Variants in ICAM5 observed in about 807,000 individuals in gnomAD.
The protein encoded by ICAM5 is ICAM-5.
A neutral mutation model predicts 78.8 loss-of-function variants in ICAM5; 38 were observed. The observed-to-expected ratio is 0.48, with a 90% CI of 0.37 to 0.63. The LOEUF is 0.63. ICAM5 is among the 30% of genes least tolerant of loss of function. The pLI is 0.00. For synonymous variants in ICAM5, 544 were observed against 590.9 expected, an observed-to-expected ratio of 0.92 and a Z score of 1.15; for missense variants, 1,059 against 1,303.0, an observed-to-expected ratio of 0.81 and a Z score of 2.88.
In ICAM5 at chr19:10,293,728, C is replaced by G. The variant is rs1283246234; in HGVS notation, c.1496C>G (p.Pro499Arg). Residue 499 changes from proline to arginine, a missense_variant, in exon 7 of 11, where the codon CCA (proline) becomes CGA (arginine). By Grantham distance (103) the Pro-to-Arg change is moderately radical (BLOSUM62 -2). Around this residue, in one of 3 missense-constraint regions of ICAM5, gnomAD observed 815 missense variants for 952.8 expected, o/e 0.86. Transcript: ENST00000221980. The surrounding 1 kb of genome is among the most constrained non-coding windows in gnomAD (Gnocchi z 5.0). Reference sequence around the variant, plus strand: ...CCAGCGCTGGACAGCGTGGGCTGCCCAGAACGCATTACTTGGCTGGAGGGA... The same window carrying G: ...CCAGCGCTGGACAGCGTGGGCTGCCGAGAACGCATTACTTGGCTGGAGGGA... ...YAPALDSVGC[P>R]ERITWLEGTE... The G allele has an allele frequency of 6.2e-7, 1 of 1,613,938 alleles. No individual in the cohort carries two copies. Among genetic ancestry groups the G allele is most frequent in the Non-Finnish European group, 8.5e-7 (1 of 1,180,032 alleles).
In ICAM5 at chr19:10,292,255, G is replaced by T; in HGVS notation, c.894G>T (p.Arg298Ser). 1 of 1,612,894 alleles carries T rather than the reference G, an allele frequency of 6.2e-7. No individual in the cohort carries two copies. Among genetic ancestry groups the T allele is most frequent in the Non-Finnish European group, 8.5e-7 (1 of 1,179,852 alleles). The part of the protein sequence containing the change: ...ATASAEQEGA[R>S]QLVCNVTLGG... Reference sequence around the variant, plus strand: ...CTAGCGCAGAGCAGGAGGGTGCCAGGCAGCTGGTCTGCAACGTCACCCTGG... The same window carrying T: ...CTAGCGCAGAGCAGGAGGGTGCCAGTCAGCTGGTCTGCAACGTCACCCTGG... Residue 298 changes from arginine (R) to serine (S), a missense_variant, in exon 4 of 11, where the codon AGG becomes AGT. This residue lies in a region of ICAM5 where 815 missense variants were observed against 952.8 expected (regional missense o/e 0.86). Transcript: ENST00000221980.
rs2040204786 is a variant in ICAM5 at position 10,294,500 on chromosome 19, C to A, written c.2090C>A (p.Ser697Tyr). 2 of 1,608,006 alleles carry A rather than the reference C, an allele frequency of 1.2e-6. No homozygotes were observed. The highest frequency in any genetic ancestry group is 4.5e-5 in the East Asian group (2 of 44,706). ...ALACAARGRP[S>Y]PGVRCSREGI... is the part of the protein sequence containing the mutation. ...GCCTGCGCCGCCCGGGGTCGCCCTTCCCCAGGAGTGCGCTGCTCTCGGGAA... is the reference window on the plus strand; with the variant it reads ...GCCTGCGCCGCCCGGGGTCGCCCTTACCCAGGAGTGCGCTGCTCTCGGGAA... Residue 697 changes from serine to tyrosine, a missense_variant, in exon 9 of 11, where the codon TCC becomes TAC. Physicochemically the swap from Ser to Tyr is moderately radical, Grantham distance 144. Transcript: ENST00000221980. The surrounding 1 kb of genome is among the most constrained non-coding windows in gnomAD (Gnocchi z 7.7).
chr19:10,291,908 C>T lies in ICAM5; in HGVS notation c.673+99C>T, dbSNP rs962007570. 200 of 1,488,296 alleles carry T rather than the reference C, an allele frequency of 1.3e-4. No individual in the cohort carries two copies. The Middle Eastern group carries it at 2.3e-3, about 17-fold the overall frequency. 92.2% of individuals were successfully genotyped at this position (1,488,296 alleles called of 1,614,324 possible). Reference sequence around the variant, plus strand: ...TCTGAATGCTGACCCCGACTTCAACCCTCGCCGGCTGAGCTGTTTCCCCCT... The same window carrying T: ...TCTGAATGCTGACCCCGACTTCAACTCTCGCCGGCTGAGCTGTTTCCCCCT... On this transcript the variant is annotated intron_variant, in intron 3 of 10. Coordinates refer to ENST00000221980, the MANE Select transcript of ICAM5 (RefSeq NM_003259.4).
chr19:10,293,112 C>T lies in ICAM5; in HGVS notation c.1331C>T (p.Ala444Val), dbSNP rs202091893. The T allele has an allele frequency of 5.6e-5, 90 of 1,609,004 alleles. 1 individual carries two copies. The African/African-American group carries it at 6.3e-4, about 11-fold the overall frequency. The part of the protein sequence containing the change: ...RGNPEPSVHC[A>V]RSDGGAVLAL... Reference sequence around the variant, plus strand: ...AACCCAGAACCCTCAGTGCACTGTGCGCGCTCCGACGGCGGGGCCGTGCTG... The same window carrying T: ...AACCCAGAACCCTCAGTGCACTGTGTGCGCTCCGACGGCGGGGCCGTGCTG... Residue 444 changes from alanine to valine, a missense_variant, in exon 6 of 11, where the codon GCG becomes GTG. By Grantham distance (64) the Ala-to-Val change is moderately conservative (BLOSUM62 0). Around this residue, in one of 3 missense-constraint regions of ICAM5, gnomAD observed 815 missense variants for 952.8 expected, o/e 0.86. Coordinates refer to ENST00000221980, the MANE Select transcript of ICAM5 (RefSeq NM_003259.4). The surrounding 1 kb of genome is among the most constrained non-coding windows in gnomAD (Gnocchi z 5.0).
chr19:10,294,122 C>T lies in ICAM5; in HGVS notation c.1794C>T (p.Val598=). ...CTGGGCGCCTGTTTTCCTGTGAGGTCGATGGGAAGCCACAGCCAAGCGTGA... is the reference window on the plus strand; with the variant it reads ...CTGGGCGCCTGTTTTCCTGTGAGGTTGATGGGAAGCCACAGCCAAGCGTGA... The part of the protein sequence containing the change: ...EGSGRLFSCE[V]DGKPQPSVKC... The change falls in exon 8 of 11, where the codon GTC becomes GTT. Residue 598 remains valine, a synonymous_variant. Coordinates refer to ENST00000221980, the MANE Select transcript of ICAM5 (RefSeq NM_003259.4). This position sits in a 1 kb window ranked among gnomAD's most constrained non-coding sequence, Gnocchi z 7.7. The T allele has an allele frequency of 1.2e-6, 2 of 1,604,224 alleles. No individual in the cohort carries two copies. The highest frequency in any genetic ancestry group is 1.7e-4 in the Middle Eastern group (1 of 5,996).
In ICAM5 at chr19:10,290,942, G is replaced by T. The variant is rs2040166045; in HGVS notation, c.83-130G>T. 2.4e-6 allele frequency: 3 copies of T among 1,236,334 alleles called. No homozygotes were observed. The highest frequency in any genetic ancestry group is 3.1e-5 in the South Asian group (2 of 64,122). 76.6% of individuals were successfully genotyped at this position (1,236,334 alleles called of 1,614,324 possible). The stretch of plus-strand genomic sequence containing the variant: ...CGGAGGCCTGGGCAGGACGCGGGAC[G>T]CCTGGGTTCTTTCCCTGGCTGCAGC... On this transcript the variant is annotated intron_variant, in intron 1 of 10. Coordinates refer to ENST00000221980, the MANE Select transcript of ICAM5 (RefSeq NM_003259.4). The surrounding 1 kb of genome is among the most constrained non-coding windows in gnomAD (Gnocchi z 5.7).
Position 10,293,298 on chromosome 19 carries a change from T to C in ICAM5, c.1465+52T>C. ...TCTATCTGGTTCAAGGTCTGGAGGGTGGCCAGCCTCCAGGGAAGAGTAGGA... is the reference window on the plus strand; with the variant it reads ...TCTATCTGGTTCAAGGTCTGGAGGGCGGCCAGCCTCCAGGGAAGAGTAGGA... On this transcript the variant is annotated intron_variant, in intron 6 of 10. Transcript: ENST00000221980. The surrounding 1 kb of genome is among the most constrained non-coding windows in gnomAD (Gnocchi z 5.0). The C allele has an allele frequency of 6.6e-7, 1 of 1,525,082 alleles. No individual in the cohort carries two copies. The highest frequency in any genetic ancestry group is 1.4e-5 in the African/African-American group (1 of 72,100). 94.5% of individuals were successfully genotyped at this position (1,525,082 alleles called of 1,614,324 possible). A position where few individuals can be genotyped will look rare whatever the true frequency, so the allele number is the denominator to read the frequency against.
intron 3 of ICAM5, 85 bp from the exon 4 acceptor site, chr19:10,291,950 A>G (rs1303244241): frequency 1.3e-6 from 2 of 1,508,192 alleles, no homozygotes; most frequent in East Asian, 4.5e-5. Flanking sequence ...CTTGAGGATG[A>G]TAATACGATA....
In ICAM5 at chr19:10,292,234, C is replaced by A; in HGVS notation, c.873C>A (p.Ser291Arg). The change falls in exon 4 of 11, where the codon AGC (serine) becomes AGA (arginine). Residue 291 changes from serine to arginine, a missense_variant. Ser to Arg is a moderately radical substitution (Grantham distance 110). Coordinates refer to ENST00000221980, the MANE Select transcript of ICAM5 (RefSeq NM_003259.4). Reference sequence around the variant, plus strand: ...TGGCCACTGCCACAGCCACAGCTAGCGCAGAGCAGGAGGGTGCCAGGCAGC... The same window carrying A: ...TGGCCACTGCCACAGCCACAGCTAGAGCAGAGCAGGAGGGTGCCAGGCAGC... ...AFVATATATA[S>R]AEQEGARQLV... is the part of the protein sequence containing the mutation. The A allele has an allele frequency of 1.2e-6, 2 of 1,613,052 alleles. No individual in the cohort carries two copies. The highest frequency in any genetic ancestry group is 1.3e-5 in the African/African-American group (1 of 75,074).
In ICAM5 at chr19:10,291,660, G is replaced by T; in HGVS notation, c.524G>T (p.Arg175Leu). ...CGCAGCTTCGCCGGTGAACCACCCC[G>T]AGCGCGGGGCGCGGTGCTCACAGCC... The part of the protein sequence containing the change: ...IRRSFAGEPP[R>L]ARGAVLTATV... Residue 175 changes from arginine to leucine, a missense_variant, in exon 3 of 11, where the codon CGA becomes CTA. By Grantham distance (102) the Arg-to-Leu change is moderately radical (BLOSUM62 -2). This residue lies in a region of ICAM5 where 815 missense variants were observed against 952.8 expected (regional missense o/e 0.86). Transcript: ENST00000221980. 2 of 1,612,050 alleles carry T rather than the reference G, an allele frequency of 1.2e-6. No individual in the cohort carries two copies. The highest frequency in any genetic ancestry group is 1.7e-6 in the Non-Finnish European group (2 of 1,179,566).
intron 2 of ICAM5, 66 bp downstream of exon 2, chr19:10,291,407 G>A (rs1321840188): frequency 1.9e-6 from 3 of 1,607,828 alleles, no homozygotes; most frequent in Non-Finnish European, 1.7e-6. Context: ...CGCCCCCTGG[G>A]TCCCAGGGTC....
chr19:10,290,891 T>C lies in ICAM5; in HGVS notation c.83-181T>C. ...ACGTCCCAGAGACACCCTCGAGGTT[T>C]AGACTCTGGGAGTGCGCCTTTAAAC... On this transcript the variant is annotated intron_variant, in intron 1 of 10. Transcript: ENST00000221980. This position sits in a 1 kb window ranked among gnomAD's most constrained non-coding sequence, Gnocchi z 5.7. The C allele has an allele frequency of 1.4e-6, 1 of 729,554 alleles. No individual in the cohort carries two copies. The highest frequency in any genetic ancestry group is 2.2e-6 in the Non-Finnish European group (1 of 454,600). 45.2% of individuals were successfully genotyped at this position (729,554 alleles called of 1,614,324 possible). A position where few individuals can be genotyped will look rare whatever the true frequency, so the allele number is the denominator to read the frequency against.
chr19:10,289,999 T>G lies in ICAM5; in HGVS notation c.-45T>G, dbSNP rs2040157246. ...CGGAGCCGTCCTCTAGCCCAGCTCC[T>G]CGGCTCGCGCTCTCCTCGCCTCCTG... On this transcript the variant is annotated 5_prime_UTR_variant, in exon 1 of 11. Coordinates refer to ENST00000221980, the MANE Select transcript of ICAM5 (RefSeq NM_003259.4). 6.6e-7 allele frequency: 1 copy of G among 1,509,202 alleles called. No homozygotes were observed. The highest frequency in any genetic ancestry group is 8.9e-7 in the Non-Finnish European group (1 of 1,125,830). 93.5% of individuals were successfully genotyped at this position (1,509,202 alleles called of 1,614,324 possible).
chr19:10,295,784 A>G (rs1378520256), intron 10 of ICAM5, among the ~76,000 whole-genome samples, 172 bp downstream of exon 10: 1 of 150,426 alleles, frequency 6.6e-6, no homozygotes, highest in Non-Finnish European at 1.5e-5. Context: ...TCGCACTTTG[A>G]GGGGTGGGAG....
Position 10,293,269 on chromosome 19 carries a change from C to A in ICAM5, c.1465+23C>A. On this transcript the variant is annotated intron_variant, in intron 6 of 10. Transcript: ENST00000221980. This position sits in a 1 kb window ranked among gnomAD's most constrained non-coding sequence, Gnocchi z 5.0. ...AGTGTGAGTGGGGGTGCGCAGGGTG[C>A]ATTTCTATCTGGTTCAAGGTCTGGA... 1.3e-6 allele frequency: 2 copies of A among 1,554,614 alleles called. No homozygotes were observed. The highest frequency in any genetic ancestry group is 2.7e-5 in the African/African-American group (2 of 73,464).
At position 10,291,706 on chromosome 19, in the gene ICAM5, G is replaced by C; in HGVS notation, c.570G>C (p.Glu190Asp). The change falls in exon 3 of 11, where the codon GAG (glutamate) becomes GAC (aspartate). Residue 190 changes from glutamate to aspartate, a missense_variant. Transcript: ENST00000221980. ...CAGCCACGGTACTGGCTCGGAGGGA[G>C]GACCATGGAGCCAATTTCTCGTGTC... ...VLTATVLARR[E>D]DHGANFSCRA... The C allele has an allele frequency of 1.2e-6, 2 of 1,612,708 alleles. No homozygotes were observed. Among genetic ancestry groups the C allele is most frequent in the Non-Finnish European group, 1.7e-6 (2 of 1,179,990 alleles).
At chr19:10,296,101 G>A (rs796771211) in intron 10 of ICAM5, among the ~76,000 whole-genome samples, 17 of 152,282 alleles carry the variant, frequency 1.1e-4, no homozygotes, top group African/African-American at 3.8e-4. Flanking sequence ...TTGTCGCCAG[G>A]GGGCTAAGTG....
At position 10,292,701 on chromosome 19, in the gene ICAM5, C is replaced by G; in HGVS notation, c.1051C>G (p.Leu351Val). ...AACCTGCGCAGCTGGGGCCCAAGCT[C>G]TGGTCACACTGGAGGGAGTTCCAGC... ...TVTCAAGAQA[L>V]VTLEGVPAAV... The change falls in exon 5 of 11, where the codon CTG becomes GTG. Residue 351 changes from leucine to valine, a missense_variant. Coordinates refer to ENST00000221980, the MANE Select transcript of ICAM5 (RefSeq NM_003259.4). The G allele has an allele frequency of 1.2e-6, 2 of 1,612,936 alleles. No homozygotes were observed. Among genetic ancestry groups the G allele is most frequent in the Admixed American group, 3.3e-5 (2 of 59,778 alleles).
At chr19:10,295,651 A>G (rs1324556419) in intron 10 of ICAM5, 39 bp downstream of exon 10, 2 of 1,517,572 alleles carry the variant, frequency 1.3e-6, no homozygotes, top group Non-Finnish European at 1.8e-6. Context: ...GAGGTATCTG[A>G]GAGGGGGCGT....
Sources: allele counts gnomAD v4.1 joint callset (sites outside exome capture counted in the v4.1 genomes callset), GRCh38; gene constraint gnomAD v4.1.1; regional missense constraint gnomAD v4.1.1; non-coding constraint Gnocchi (gnomAD v3.1); transcripts MANE v1.5; gene names NCBI Gene and HGNC (gene_info 2026-07-23, HGNC 2026-07-21).